SYNPO2: variants seen among roughly 807,000 people sequenced by gnomAD.
SYNPO2 encodes the protein synaptopodin 2, also known as synaptopodin-2.
A neutral mutation model predicts 85.0 loss-of-function variants in SYNPO2; 56 were observed. That is an observed-to-expected ratio of 0.66 (90% confidence interval 0.53 to 0.82). SYNPO2 has a LOEUF of 0.82. Among genes scored for constraint, SYNPO2 ranks in the 40% least tolerant of loss-of-function variants. The pLI, the probability that SYNPO2 is intolerant of heterozygous loss-of-function variation, is 0.00. For synonymous variants in SYNPO2, 602 were observed against 591.1 expected (o/e 1.02, Z -0.27); for missense variants, 1,575 against 1,534.2 (o/e 1.03, Z -0.44).
chr4:119,023,448 G>C lies in SYNPO2; in HGVS notation c.124G>C (p.Ala42Pro). 1 of 1,612,106 alleles carries C rather than the reference G, an allele frequency of 6.2e-7. No individual in the cohort carries two copies. The highest frequency in any genetic ancestry group is 8.5e-7 in the Non-Finnish European group (1 of 1,179,178). Residue 42 changes from alanine (A) to proline (P), a missense_variant, in exon 2 of 5, where the codon GCC (alanine) becomes CCC (proline). Around this residue, in one of 3 missense-constraint regions of SYNPO2, gnomAD observed 55 missense variants for 55.5 expected, o/e 0.99. Coordinates refer to ENST00000307142, the MANE Select transcript of SYNPO2 (RefSeq NM_133477.3). ...QVAKIRNQSK[A>P]SGSGLCEGDE... The stretch of plus-strand genomic sequence containing the variant: ...CACTCAGATTCGAAATCAGAGCAAA[G>C]CCTCTGGGTCTGGGCTCTGTGAGGG...
intron 1 of SYNPO2, among the ~76,000 whole-genome samples, chr4:118,929,594 T>C (rs1470211106): frequency 6.6e-6 from 1 of 152,152 alleles, no homozygotes; most frequent in Non-Finnish European, 1.5e-5. Context: ...GCCCCTCACT[T>C]TAGCCAAATG....
At chr4:118,891,991 A>C (rs1001157240) in intron 1 of SYNPO2, among the ~76,000 whole-genome samples, 2 of 152,168 alleles carry the variant, frequency 1.3e-5, no homozygotes, top group African/African-American at 4.8e-5. Context: ...ATAGAGTAAA[A>C]ATCTAACAGG....
At chr4:118,990,423 C>T (rs114056429) in intron 1 of SYNPO2, among the ~76,000 whole-genome samples, 9 of 152,180 alleles carry the variant, frequency 5.9e-5, no homozygotes, top group Admixed American at 1.3e-4. Context: ...TTATTTATTC[C>T]GCAGATGTTT....
intron 1 of SYNPO2, among the ~76,000 whole-genome samples, chr4:118,895,882 A>T (rs1386805479): frequency 6.6e-6 from 1 of 152,206 alleles, no homozygotes; most frequent in African/African-American, 2.4e-5. Flanking sequence ...ATATAAACGA[A>T]TTTATATATT....
chr4:119,012,382 T>TC (rs1211020520), intron 1 of SYNPO2, among the ~76,000 whole-genome samples: 26 of 126,198 alleles, frequency 2.1e-4, no homozygotes, highest in African/African-American at 6.6e-4. Flanking sequence ...TTTCTTTTTT[T>TC]TTTTTTTTTT....
intron 1 of SYNPO2, among the ~76,000 whole-genome samples, chr4:118,983,352 A>G (rs1300416733): frequency 6.6e-6 from 1 of 151,894 alleles, no homozygotes; most frequent in Non-Finnish European, 1.5e-5. Context: ...ATTCCTTGAA[A>G]CAGGTCTACA....
chr4:118,882,403 T>C (rs545447309), intron 1 of SYNPO2, among the ~76,000 whole-genome samples: 1 of 152,334 alleles, frequency 6.6e-6, no homozygotes, highest in South Asian at 2.1e-4. Context: ...TTTCAGATAA[T>C]TCAGTATTTC....
At position 119,033,957 on chromosome 4, in the gene SYNPO2, C is replaced by A. The variant is rs1042948317; in HGVS notation, c.3252+1930C>A. The stretch of plus-strand genomic sequence containing the variant: ...TGGGGCTGATTCTTCTGCTTTTTCT[C>A]TGGAAAATCTTTCATTGCTTTTGGT... On this transcript the variant is annotated intron_variant, in intron 4 of 4. Transcript: ENST00000307142. 18 of 985,258 alleles carry A rather than the reference C, an allele frequency of 1.8e-5. No homozygotes were observed. In the African/African-American group the frequency reaches 1.9e-4, roughly 11 times the overall value. The allele number at this position is 985,258 out of a possible 1,614,324, so 61.0% of individuals were successfully genotyped here.
chr4:118,885,867 A>G (rs1032086219), upstream of SYNPO2, among the ~76,000 whole-genome samples: 1 of 152,236 alleles, frequency 6.6e-6, no homozygotes, highest in Admixed American at 6.5e-5. Flanking sequence ...AGCAATGATT[A>G]AGAATAGGTA....
At chr4:118,899,456 C>A (rs2149117950) in intron 1 of SYNPO2, among the ~76,000 whole-genome samples, 1 of 151,984 alleles carries the variant, frequency 6.6e-6, no homozygotes, top group East Asian at 1.9e-4. Context: ...TTTTGAAAAT[C>A]TTGATGTGAC....
chr4:118,944,860 A>G (rs565342878), intron 1 of SYNPO2, among the ~76,000 whole-genome samples: 4 of 152,292 alleles, frequency 2.6e-5, no homozygotes, highest in African/African-American at 9.6e-5. Context: ...TTTAAAATAT[A>G]CCATCAATCA....
rs190539132 is a variant in SYNPO2 at position 118,923,059 on chromosome 4, A to G, written c.105+33918A>G. 4.5e-3 allele frequency among the ~76,000 whole-genome samples: 691 copies of G among 152,268 alleles called. 7 individuals are homozygous for G. Among genetic ancestry groups the G allele is most frequent in the African/African-American group, 0.016 (657 of 41,556 alleles). On this transcript the variant is annotated intron_variant, in intron 1 of 4. Transcript: ENST00000307142. ...CTGTGGTTTCTTGCATATATTTTGGAAAACAAAATATTCTCTGCCATACAC... is the reference window on the plus strand; with the variant it reads ...CTGTGGTTTCTTGCATATATTTTGGGAAACAAAATATTCTCTGCCATACAC...
chr4:118,857,462 A>T (rs2110563152), intron 1 of SYNPO2, among the ~76,000 whole-genome samples: 1 of 152,346 alleles, frequency 6.6e-6, no homozygotes, highest in Admixed American at 6.5e-5. Flanking sequence ...AAGACACTGT[A>T]AATTAATAGT....
chr4:118,891,172 CT>C (rs1400139405), intron 1 of SYNPO2, among the ~76,000 whole-genome samples: 2 of 152,118 alleles, frequency 1.3e-5, no homozygotes, highest in South Asian at 4.1e-4. Flanking sequence ...CTAAATCATC[CT>C]TCCTAAAATA....
chr4:119,053,568 A>G (rs1276188818), intron 4 of SYNPO2, among the ~76,000 whole-genome samples: 1 of 152,072 alleles, frequency 6.6e-6, no homozygotes, highest in Non-Finnish European at 1.5e-5. Context: ...CTAGGTTTTA[A>G]TTTCCCTTCA....
At chr4:118,872,120 T>A (rs934156525) in intron 1 of SYNPO2, among the ~76,000 whole-genome samples, 1 of 152,110 alleles carries the variant, frequency 6.6e-6, no homozygotes, top group African/African-American at 2.4e-5. Flanking sequence ...TTATTAGGTA[T>A]TTTTTTTCTT....
intron 1 of SYNPO2, among the ~76,000 whole-genome samples, chr4:118,981,455 C>T (rs1032932804): frequency 5.9e-5 from 9 of 152,180 alleles, no homozygotes; most frequent in East Asian, 1.9e-4. Flanking sequence ...TACCCTCCTC[C>T]GTGCAACAAT....
At chr4:119,032,995 TAA>T in intron 4 of SYNPO2, 16 of 953,246 alleles carry the variant, frequency 1.7e-5, no homozygotes, top group Non-Finnish European at 1.8e-5. Context: ...CATGAAAGCA[TAA>T]GTTTGTTTTC....
At chr4:119,009,971 C>T (rs2149178263) in intron 1 of SYNPO2, among the ~76,000 whole-genome samples, 1 of 152,316 alleles carries the variant, frequency 6.6e-6, no homozygotes, top group South Asian at 2.1e-4. Context: ...GTCTGTGAGC[C>T]TCACCTTGAG....
Sources: gnomAD v4.1 joint callset for allele counts (sites outside exome capture counted in the v4.1 genomes callset) on GRCh38, gnomAD v4.1.1 for gene constraint, gnomAD v4.1.1 regional missense constraint, MANE v1.5 for transcripts, NCBI Gene and HGNC (gene_info 2026-07-23, HGNC 2026-07-21) for gene names.